The following MYO16 variants were observed in gnomAD, a reference collection of about 807,000 sequenced individuals.
MYO16 encodes the protein unconventional myosin-XVI.
Under a neutral mutation model 205.3 loss-of-function variants are expected in MYO16, and 94 were observed. The ratio of observed to expected loss-of-function variants is 0.46; its 90% confidence interval spans 0.39 to 0.54. The LOEUF (loss-of-function observed/expected upper bound fraction) is 0.54, where lower values mean the gene tolerates loss of function less well. Among genes scored for constraint, MYO16 ranks in the 20% least tolerant of loss-of-function variants. MYO16 has a pLI of 0.00. For missense variants in MYO16, 2,315 were observed against 2,387.5 expected (o/e 0.97, Z 0.63); for synonymous variants, 988 against 954.0 (o/e 1.04, Z -0.66).
At chr13:108,509,221 G>A in the MYO16 span, among the ~76,000 whole-genome samples, 1 of 151,660 alleles carries the variant, frequency 6.6e-6, no homozygotes, top group East Asian at 1.9e-4. Flanking sequence ...AACAGAAACG[G>A]AATTGGAATC....
intron 24 of MYO16, chr13:109,048,396 C>A: frequency 1.4e-6 from 1 of 712,522 alleles, no homozygotes; most frequent in Non-Finnish European, 2.6e-6. Flanking sequence ...TGTATTTATA[C>A]AGGAGGTGTC....
intron 27 of MYO16, among the ~76,000 whole-genome samples, chr13:109,071,088 T>C (rs959189424): frequency 3.3e-5 from 5 of 152,216 alleles, no homozygotes; most frequent in African/African-American, 1.2e-4. Context: ...TGTCCATTTT[T>C]ATCAGAATCT....
At chr13:108,821,641 C>A (rs563568881) in intron 8 of MYO16, among the ~76,000 whole-genome samples, 53 of 152,232 alleles carry the variant, frequency 3.5e-4, no homozygotes, top group South Asian at 2.1e-4. Flanking sequence ...TATGACTGAC[C>A]TTTGACTACA....
chr13:108,788,928 G>A (rs1288902327), intron 5 of MYO16, among the ~76,000 whole-genome samples: 4 of 152,128 alleles, frequency 2.6e-5, no homozygotes, highest in Non-Finnish European at 5.9e-5. Flanking sequence ...TGTCCAAATT[G>A]CTAAATGTTG....
chr13:109,030,632 G>A (rs889571204), intron 23 of MYO16, among the ~76,000 whole-genome samples: 25 of 152,062 alleles, frequency 1.6e-4, no homozygotes, highest in African/African-American at 5.3e-4. Flanking sequence ...TCAGAGCAGG[G>A]AGCTTATCGA....
chr13:109,166,972 C>T (rs1295095681), intron 33 of MYO16: 1 of 152,212 alleles, frequency 6.6e-6, no homozygotes, highest in African/African-American at 2.4e-5. Context: ...AGACCACAGT[C>T]ATCTTGAGAC....
intron 28 of MYO16, among the ~76,000 whole-genome samples, chr13:109,102,116 T>C (rs1292348608): frequency 6.6e-6 from 1 of 152,046 alleles, no homozygotes; most frequent in African/African-American, 2.4e-5. Context: ...TAACTAATAA[T>C]GAAATTTGAA....
chr13:108,558,298 A>C, the MYO16 span, among the ~76,000 whole-genome samples: 1 of 152,076 alleles, frequency 6.6e-6, no homozygotes, highest in East Asian at 1.9e-4. Context: ...TTTCCACTGA[A>C]TTTTGCCTTG....
At chr13:108,625,822 G>A (rs79744153), upstream of MYO16, among the ~76,000 whole-genome samples, 2 of 152,290 alleles carry the variant, frequency 1.3e-5, no homozygotes, top group African/African-American at 4.8e-5. Context: ...AATTGGTGAT[G>A]TTTGCAAACT....
At chr13:109,079,549 G>A (rs895688124) in intron 27 of MYO16, among the ~76,000 whole-genome samples, 1 of 152,118 alleles carries the variant, frequency 6.6e-6, no homozygotes, top group Non-Finnish European at 1.5e-5. Context: ...CCGCTTATAA[G>A]CGGAAGCTAA....
At chr13:108,882,402 A>G (rs1879659989) in intron 12 of MYO16, among the ~76,000 whole-genome samples, 1 of 152,108 alleles carries the variant, frequency 6.6e-6, no homozygotes, top group Non-Finnish European at 1.5e-5. Flanking sequence ...GACTTTTCTG[A>G]CCTTGACATC....
At chr13:109,117,092 A>G (rs557045609) in intron 28 of MYO16, among the ~76,000 whole-genome samples, 8 of 151,684 alleles carry the variant, frequency 5.3e-5, no homozygotes, top group Non-Finnish European at 1.0e-4. Flanking sequence ...TATTTCCTCC[A>G]TGACTTATTC....
At chr13:108,771,320 T>C (rs1885956692) in intron 4 of MYO16, among the ~76,000 whole-genome samples, 1 of 152,206 alleles carries the variant, frequency 6.6e-6, no homozygotes, top group Non-Finnish European at 1.5e-5. Flanking sequence ...TTTCCTTTTA[T>C]GTGAGATGCC....
At chr13:108,551,045 C>T in the MYO16 span, among the ~76,000 whole-genome samples, 1 of 152,092 alleles carries the variant, frequency 6.6e-6, no homozygotes, top group Non-Finnish European at 1.5e-5. Context: ...AACATTGTTG[C>T]CTCTAATATA....
chr13:108,811,091 G>C (rs1300094084), intron 7 of MYO16, among the ~76,000 whole-genome samples: 1 of 152,040 alleles, frequency 6.6e-6, no homozygotes, highest in East Asian at 1.9e-4. Context: ...CAACAGAATT[G>C]GCAATACTAC....
At chr13:108,968,228 C>G (rs1488844497) in intron 20 of MYO16, among the ~76,000 whole-genome samples, 3 of 152,116 alleles carry the variant, frequency 2.0e-5, no homozygotes, top group Non-Finnish European at 4.4e-5. Flanking sequence ...CAACTTTGCT[C>G]AGTGCTATCA....
the MYO16 span, among the ~76,000 whole-genome samples, chr13:108,554,624 C>A: frequency 6.6e-6 from 1 of 151,978 alleles, no homozygotes; most frequent in Non-Finnish European, 1.5e-5. Flanking sequence ...CCGAGGCGGG[C>A]GGATCACGAT....
chr13:109,078,478 T>C (rs948243709), intron 27 of MYO16, among the ~76,000 whole-genome samples: 1 of 152,144 alleles, frequency 6.6e-6, no homozygotes, highest in Non-Finnish European at 1.5e-5. Context: ...TAGTTTTTCT[T>C]CTAGTATCTA....
rs201967753 is a variant in MYO16 at position 109,108,383 on chromosome 13, T to G, written c.3438+7496T>G. ...TTTCTGCCTTTAGAGTAATTTTACATTTTTTCACTCAGCTTCATTATGCAT... is the reference window on the plus strand; with the variant it reads ...TTTCTGCCTTTAGAGTAATTTTACAGTTTTTCACTCAGCTTCATTATGCAT... On this transcript the variant is annotated intron_variant, in intron 28 of 34. Coordinates refer to ENST00000457511, the MANE Select transcript of MYO16 (RefSeq NM_001198950.3). 3.9e-5 allele frequency among the ~76,000 whole-genome samples: 6 copies of G among 152,358 alleles called. No homozygotes were observed. The East Asian group carries it at 1.2e-3, about 29-fold the overall frequency.
Sources: gnomAD v4.1 joint callset for allele counts (sites outside exome capture counted in the v4.1 genomes callset) on GRCh38, gnomAD v4.1.1 for gene constraint, MANE v1.5 for transcripts, NCBI Gene and HGNC (gene_info 2026-07-23, HGNC 2026-07-21) for gene names.